The following NAV3 variants were observed in gnomAD, a reference collection of about 807,000 sequenced individuals.
NAV3 encodes pore membrane and/or filament interacting like protein 1.
In NAV3, 87 loss-of-function variants were observed where a neutral mutation model predicts 244.7. The observed-to-expected ratio is 0.36, with a 90% CI of 0.30 to 0.42. The LOEUF (loss-of-function observed/expected upper bound fraction) is 0.42. Among genes scored for constraint, NAV3 ranks in the 20% least tolerant of loss-of-function variants. The pLI is 1.00. For synonymous variants in NAV3, 1,126 were observed against 1,042.2 expected, an observed-to-expected ratio of 1.08 and a Z score of -1.55; for missense variants, 2,663 against 2,893.3, an observed-to-expected ratio of 0.92 and a Z score of 1.83.
intron 2 of NAV3, among the ~76,000 whole-genome samples, chr12:77,684,968 C>T (rs2137129457): frequency 6.6e-6 from 1 of 152,242 alleles, no homozygotes; most frequent in Admixed American, 6.5e-5. Context: ...TCATTACGGA[C>T]TGTGTAACCT....
At chr12:77,954,051 G>A (rs1487473790) in intron 3 of NAV3, among the ~76,000 whole-genome samples, 1 of 152,072 alleles carries the variant, frequency 6.6e-6, no homozygotes, top group Non-Finnish European at 1.5e-5. Context: ...AGCTTATGGT[G>A]GATGCCAGCA....
chr12:78,134,996 G>A (rs889713030), intron 18 of NAV3, among the ~76,000 whole-genome samples: 3 of 151,976 alleles, frequency 2.0e-5, no homozygotes, highest in African/African-American at 7.2e-5. Context: ...GCTTCGAATG[G>A]ATCTTATAGT....
At position 77,831,505 on chromosome 12, in the gene NAV3, T is replaced by G. The variant is rs2136074971; in HGVS notation, c.44T>G (p.Val15Gly). The part of the protein sequence containing the change: ...GVASKLRQPA[V>G]GSKPVHTALP... ...GCCTCAAAACTGAGGCAGCCAGCTGTTGGGTCAAAGCCTGTGCATACTGCT... is the reference window on the plus strand; with the variant it reads ...GCCTCAAAACTGAGGCAGCCAGCTGGTGGGTCAAAGCCTGTGCATACTGCT... The change falls in exon 1 of 40, where the codon GTT becomes GGT. Residue 15 changes from valine to glycine, a missense_variant. Physicochemically the swap from Val to Gly is moderately radical, Grantham distance 109. This residue lies in a region of NAV3 where 1,521 missense variants were observed against 1,497.0 expected (regional missense o/e 1.02). Transcript: ENST00000397909. 3 of 1,612,266 alleles carry G rather than the reference T, an allele frequency of 1.9e-6. No individual in the cohort carries two copies. The highest frequency in any genetic ancestry group is 1.7e-5 in the Admixed American group (1 of 59,570).
rs527359963 is a variant in NAV3 at position 77,951,640 on chromosome 12, T to C, written c.414+10507T>C. Among the ~76,000 whole-genome samples, 6 of 152,256 alleles carry C rather than the reference T, an allele frequency of 3.9e-5. No homozygotes were observed. The East Asian group carries it at 9.6e-4, about 24-fold the overall frequency. ...CACACGTATGTTCATTGCGGCACTA[T>C]TCACAATAGCAAAGACTTGGAACCA... On this transcript the variant is annotated intron_variant, in intron 3 of 39. Transcript: ENST00000397909.
chr12:78,144,465 A>G lies in NAV3; in HGVS notation c.4684-1904A>G, dbSNP rs527718686. The stretch of plus-strand genomic sequence containing the variant: ...CCACACCTAAGCTACTGAAAAAAAT[A>G]TATTAATATTCTGGCTCATTGCTTT... On this transcript the variant is annotated intron_variant, in intron 20 of 39. Transcript: ENST00000397909. Among the ~76,000 whole-genome samples, 14 of 152,286 alleles carry G rather than the reference A, an allele frequency of 9.2e-5. No homozygotes were observed. The East Asian group carries it at 2.7e-3, about 29-fold the overall frequency.
chr12:77,752,153 T>C (rs1868889038), intron 2 of NAV3, among the ~76,000 whole-genome samples: 1 of 152,198 alleles, frequency 6.6e-6, no homozygotes, highest in African/African-American at 2.4e-5. Context: ...TGAGTTTTCT[T>C]TGAGGCTATC....
Position 77,938,393 on chromosome 12 carries a change from A to T in NAV3, c.244-1926A>T, listed in dbSNP as rs555151137. Among the ~76,000 whole-genome samples the T allele has an allele frequency of 5.9e-5, 9 of 152,308 alleles. No homozygotes were observed. In the East Asian group the frequency reaches 1.7e-3, roughly 29 times the overall value. On this transcript the variant is annotated intron_variant, in intron 1 of 39. Coordinates refer to ENST00000397909, the MANE Select transcript of NAV3 (RefSeq NM_001024383.2). ...GACAGTTATGCAAGTAATTTTTCTT[A>T]CCCTTCAATATCTTCAACATAGAGA...
At chr12:78,153,051 T>C (rs1422134081) in intron 22 of NAV3, among the ~76,000 whole-genome samples, 1 of 152,080 alleles carries the variant, frequency 6.6e-6, no homozygotes, top group Non-Finnish European at 1.5e-5. Context: ...ATAGCTTACG[T>C]GCTTTTCCTT....
intron 12 of NAV3, among the ~76,000 whole-genome samples, chr12:78,090,882 T>C (rs2138007163): frequency 6.6e-6 from 1 of 151,986 alleles, no homozygotes; most frequent in Admixed American, 6.6e-5. Context: ...ACTTTCAAAC[T>C]CTTAACAGTA....
intron 1 of NAV3, among the ~76,000 whole-genome samples, chr12:77,888,640 T>C (rs1363054284): frequency 6.6e-6 from 1 of 152,198 alleles, no homozygotes; most frequent in African/African-American, 2.4e-5. Context: ...CCCAAGTAAG[T>C]CTTTGGGTTG....
At position 78,190,165 on chromosome 12, in the gene NAV3, G is replaced by T. The variant is rs1958909163; in HGVS notation, c.6237G>T (p.Arg2079Ser). 5 of 1,612,590 alleles carry T rather than the reference G, an allele frequency of 3.1e-6. No individual in the cohort carries two copies. Among genetic ancestry groups the T allele is most frequent in the Non-Finnish European group, 4.2e-6 (5 of 1,179,368 alleles). Residue 2079 changes from arginine (R) to serine (S), a missense_variant, in exon 34 of 40, where the codon AGG (arginine) becomes AGT (serine). Arg to Ser is a moderately radical substitution (Grantham distance 110, BLOSUM62 -1). This residue lies in a region of NAV3 where 543 missense variants were observed against 672.4 expected (regional missense o/e 0.81). Coordinates refer to ENST00000397909, the MANE Select transcript of NAV3 (RefSeq NM_001024383.2). The part of the protein sequence containing the change: ...LAEYVITKSG[R>S]KKTEDAIATF... The stretch of plus-strand genomic sequence containing the variant: ...AATATGTAATAACCAAATCTGGAAG[G>T]AAAAAAACAGAGGATGCAATTGCCA...
intron 2 of NAV3, among the ~76,000 whole-genome samples, chr12:77,607,772 A>C (rs1384946500): frequency 1.3e-5 from 2 of 152,066 alleles, no homozygotes; most frequent in Non-Finnish European, 2.9e-5. Context: ...AAATCATTTA[A>C]CTGTTTTCAT....
intron 23 of NAV3, among the ~76,000 whole-genome samples, chr12:78,167,601 G>A (rs1260511588): frequency 2.0e-5 from 3 of 151,152 alleles, no homozygotes; most frequent in Non-Finnish European, 4.4e-5. Context: ...GGCCGCTGTG[G>A]ATGATCTTTT....
chr12:78,113,300 C>T (rs1195117846), intron 12 of NAV3, among the ~76,000 whole-genome samples: 2 of 152,212 alleles, frequency 1.3e-5, no homozygotes, highest in African/African-American at 4.8e-5. Context: ...CTAGGCAGTA[C>T]CCCAGTGGGG....
chr12:77,742,903 C>G (rs569363205), intron 2 of NAV3, among the ~76,000 whole-genome samples: 7 of 152,058 alleles, frequency 4.6e-5, no homozygotes, highest in African/African-American at 1.2e-4. Flanking sequence ...TCTCATGGTT[C>G]TCATGTATTT....
intron 2 of NAV3, among the ~76,000 whole-genome samples, chr12:77,674,375 A>G (rs1264097529): frequency 1.3e-5 from 2 of 150,946 alleles, no homozygotes; most frequent in Non-Finnish European, 2.9e-5. Context: ...AAATGGAGAT[A>G]TTTTCAAATT....
chr12:77,828,709 T>G (rs1431513569), upstream of NAV3, among the ~76,000 whole-genome samples: 3 of 152,178 alleles, frequency 2.0e-5, no homozygotes, highest in African/African-American at 4.8e-5. Flanking sequence ...CTGCAAAAAA[T>G]TAGTTGACAG....
At chr12:77,902,532 TATC>T (rs1271168294) in intron 1 of NAV3, among the ~76,000 whole-genome samples, 1 of 152,180 alleles carries the variant, frequency 6.6e-6, no homozygotes, top group African/African-American at 2.4e-5. Flanking sequence ...CCACAGCCAA[TATC>T]ATACTGAATG....
chr12:78,207,258 G>A (rs1235807915), intron 39 of NAV3, among the ~76,000 whole-genome samples: 1 of 152,162 alleles, frequency 6.6e-6, no homozygotes, highest in Non-Finnish European at 1.5e-5. Flanking sequence ...CAGGGAAGAA[G>A]AGAGGAGAGA....
Sources: allele counts gnomAD v4.1 joint callset (sites outside exome capture counted in the v4.1 genomes callset), GRCh38; gene constraint gnomAD v4.1.1; regional missense constraint gnomAD v4.1.1; transcripts MANE v1.5; gene names NCBI Gene and HGNC (gene_info 2026-07-23, HGNC 2026-07-21).